DYSF: variants seen among roughly 807,000 people sequenced by gnomAD.
DYSF encodes dysferlin, also known as dystrophy-associated fer-1-like 1.
In DYSF, 212 loss-of-function variants were observed where a neutral mutation model predicts 274.9. That is an observed-to-expected ratio of 0.77 (90% confidence interval 0.69 to 0.86). DYSF has a LOEUF of 0.86. DYSF is among the 40% of genes least tolerant of loss of function. The probability of loss-of-function intolerance (pLI) is 0.00; values close to 1 mark genes in which losing one functional copy is unlikely to be tolerated. For synonymous variants in DYSF, 1,091 were observed against 1,078.7 expected (o/e 1.01, Z -0.22); for missense variants, 2,666 against 2,783.2 (o/e 0.96, Z 0.95).
At chr2:71,494,498 A>G (rs1028650604) in intron 3 of DYSF, among the ~76,000 whole-genome samples, 1 of 152,250 alleles carries the variant, frequency 6.6e-6, no homozygotes, top group Admixed American at 6.5e-5. Context: ...CTTAGCATCC[A>G]TGGATGATCC....
chr2:71,670,694 C>T (rs900649614), intron 51 of DYSF, among the ~76,000 whole-genome samples: 1 of 152,194 alleles, frequency 6.6e-6, no homozygotes, highest in Non-Finnish European at 1.5e-5. Context: ...ACTTTTTACC[C>T]CTGAACTAGG....
chr2:71,463,906 T>C (rs907147386), upstream of DYSF, among the ~76,000 whole-genome samples: 5 of 150,942 alleles, frequency 3.3e-5, no homozygotes, highest in Non-Finnish European at 7.4e-5. Context: ...GGGAAGGGGG[T>C]CTGGATGGAT....
intron 3 of DYSF, among the ~76,000 whole-genome samples, chr2:71,488,583 A>T (rs749806824): frequency 1.5e-4 from 23 of 152,184 alleles, no homozygotes; most frequent in Admixed American, 2.6e-4. Flanking sequence ...GGCATTAATC[A>T]TCGTTTCTCT....
At chr2:71,539,763 G>A (rs980170848) in intron 17 of DYSF, among the ~76,000 whole-genome samples, 3 of 152,188 alleles carry the variant, frequency 2.0e-5, no homozygotes. Context: ...ATGCATGGAA[G>A]ATGTGTGTAT....
intron 9 of DYSF, 150 bp from the exon 10 acceptor site, chr2:71,516,839 T>C: frequency 1.3e-6 from 1 of 776,208 alleles, no homozygotes; most frequent in South Asian, 1.4e-5. Flanking sequence ...ATGGGGTTCC[T>C]GTGAGGGCTA....
At chr2:71,524,295 G>C (rs1021270695) in intron 12 of DYSF, among the ~76,000 whole-genome samples, 1 of 152,204 alleles carries the variant, frequency 6.6e-6, no homozygotes, top group Non-Finnish European at 1.5e-5. Flanking sequence ...GTTTCTTGAT[G>C]ATGGGGACAA....
intron 3 of DYSF, among the ~76,000 whole-genome samples, chr2:71,489,027 C>T (rs1355687735): frequency 2.6e-5 from 4 of 152,154 alleles, no homozygotes; most frequent in South Asian, 2.1e-4. Flanking sequence ...GTGGAATAAG[C>T]GTGGACTTTG....
intron 1 of DYSF, 55 bp from the exon 2 acceptor site, chr2:71,480,828 C>A: frequency 1.3e-6 from 2 of 1,525,188 alleles, no homozygotes; most frequent in Admixed American, 1.7e-5. Flanking sequence ...CCTAACTCAG[C>A]GGAAGGTGAA....
At chr2:71,552,905 T>A in intron 19 of DYSF, 106 bp from the exon 20 acceptor site, 1 of 1,177,830 alleles carries the variant, frequency 8.5e-7, no homozygotes, top group Non-Finnish European at 1.2e-6. Flanking sequence ...CCAGGAGCTA[T>A]TGGGTGCCGG....
chr2:71,532,784 T>C (rs1437353571), intron 14 of DYSF, among the ~76,000 whole-genome samples: 1 of 152,224 alleles, frequency 6.6e-6, no homozygotes, highest in Non-Finnish European at 1.5e-5. Context: ...AAGTATCTTA[T>C]TTTAAAATTT....
chr2:71,454,486 C>G (rs1402603867), intron 1 of DYSF, among the ~76,000 whole-genome samples: 2 of 152,140 alleles, frequency 1.3e-5, no homozygotes, highest in Non-Finnish European at 2.9e-5. Context: ...TAACCCAGCT[C>G]TCTTCCCGCC....
At chr2:71,657,369 G>A (rs781118284) in intron 43 of DYSF, among the ~76,000 whole-genome samples, 14 of 152,120 alleles carry the variant, frequency 9.2e-5, no homozygotes, top group Non-Finnish European at 1.6e-4. Context: ...ACAGGCTGGC[G>A]TTGAGTGTCT....
chr2:71,571,007 C>G, intron 29 of DYSF: 1 of 513,818 alleles, frequency 1.9e-6, no homozygotes, highest in Non-Finnish European at 3.5e-6. Context: ...ACTGGGAACA[C>G]CCACAGATCA....
intron 32 of DYSF, among the ~76,000 whole-genome samples, chr2:71,590,589 G>T (rs2093234059): frequency 6.6e-6 from 1 of 152,132 alleles, no homozygotes; most frequent in Non-Finnish European, 1.5e-5. Context: ...GCTCCTCCTT[G>T]ATGCTTCATT....
chr2:71,619,016 G>A (rs12987340), intron 40 of DYSF, among the ~76,000 whole-genome samples: 9,011 of 152,076 alleles, frequency 0.059, 381 homozygotes, highest in Admixed American at 0.088. Flanking sequence ...GAACCGGAGT[G>A]GCAAATTATG....
intron 30 of DYSF, among the ~76,000 whole-genome samples, chr2:71,580,765 C>G (rs2092867598): frequency 6.6e-6 from 1 of 152,226 alleles, no homozygotes; most frequent in Non-Finnish European, 1.5e-5. Context: ...GCTGCTCTTC[C>G]TACTGCCCCT....
intron 41 of DYSF, among the ~76,000 whole-genome samples, chr2:71,633,375 A>G (rs1052381482): frequency 3.3e-5 from 5 of 152,218 alleles, no homozygotes; most frequent in African/African-American, 1.2e-4. Flanking sequence ...ATCTCAGGAC[A>G]TGAAAGAATT....
chr2:71,560,714 T>C (rs991254441), intron 22 of DYSF, among the ~76,000 whole-genome samples: 2 of 152,146 alleles, frequency 1.3e-5, no homozygotes, highest in African/African-American at 2.4e-5. Context: ...TGGTTCTGCA[T>C]AGCTCGGGGA....
Position 71,686,633 on chromosome 2 carries a change from C to A in DYSF, c.*141C>A. On this transcript the variant is annotated 3_prime_UTR_variant, in exon 56 of 56. Transcript: ENST00000410020. Reference sequence around the variant, plus strand: ...AGGGTGGGCAGACAGACAGATGGACCGGCCCACACTCCCAGAGTTGCTAAC... The same window carrying A: ...AGGGTGGGCAGACAGACAGATGGACAGGCCCACACTCCCAGAGTTGCTAAC... 1 of 944,858 alleles carries A rather than the reference C, an allele frequency of 1.1e-6. No individual in the cohort carries two copies. Among genetic ancestry groups the A allele is most frequent in the Non-Finnish European group, 1.7e-6 (1 of 587,302 alleles). 58.5% of individuals were successfully genotyped at this position (944,858 alleles called of 1,614,324 possible). A position where few individuals can be genotyped will look rare whatever the true frequency, so the allele number is the denominator to read the frequency against.
Sources: allele counts gnomAD v4.1 joint callset (sites outside exome capture counted in the v4.1 genomes callset), GRCh38; gene constraint gnomAD v4.1.1; transcripts MANE v1.5; gene names NCBI Gene and HGNC (gene_info 2026-07-23, HGNC 2026-07-21).